Variants in CA5A observed in about 807,000 individuals in gnomAD.
The protein encoded by CA5A is carbonic anhydrase 5A, mitochondrial.
In CA5A, 28 loss-of-function variants were observed where a neutral mutation model predicts 37.1. The ratio of observed to expected loss-of-function variants is 0.75; its 90% CI spans 0.56 to 1.03. The LOEUF is 1.03. Ranked by LOEUF, CA5A falls within the 50% of genes least tolerant of loss-of-function variation. CA5A has a pLI of 0.00. For missense variants in CA5A, 444 were observed against 399.9 expected, an observed-to-expected ratio of 1.11 and a Z score of -0.94; for synonymous variants, 171 against 158.4, an observed-to-expected ratio of 1.08 and a Z score of -0.60.
intron 2 of CA5A, among the ~76,000 whole-genome samples, chr16:87,917,613 G>A (rs2056166544): frequency 6.7e-6 from 1 of 150,202 alleles, no homozygotes; most frequent in Admixed American, 6.6e-5. Flanking sequence ...CACCACACAT[G>A]TGCACACACA....
intron 6 of CA5A, among the ~76,000 whole-genome samples, chr16:87,889,992 C>G (rs1008741107): frequency 6.6e-6 from 1 of 152,150 alleles, no homozygotes; most frequent in African/African-American, 2.4e-5. Context: ...CCTCCTGGGC[C>G]GTGACCACGG....
At chr16:87,913,966 G>A (rs541100378) in intron 2 of CA5A, among the ~76,000 whole-genome samples, 8 of 152,344 alleles carry the variant, frequency 5.3e-5, no homozygotes, top group Non-Finnish European at 4.4e-5. Context: ...CGTGGGGAGC[G>A]GCGGCAGCGC....
intron 5 of CA5A, among the ~76,000 whole-genome samples, chr16:87,897,903 G>T (rs561296968): frequency 6.6e-6 from 1 of 152,340 alleles, no homozygotes; most frequent in South Asian, 2.1e-4. Flanking sequence ...TTCCGCCGAG[G>T]TGTAGGGTGA....
chr16:87,914,752 G>T (rs554098138), intron 2 of CA5A, among the ~76,000 whole-genome samples: 1 of 152,198 alleles, frequency 6.6e-6, no homozygotes, highest in African/African-American at 2.4e-5. Context: ...AGGTGGTCAG[G>T]ACCTCAGCTG....
At position 87,891,510 on chromosome 16, in the gene CA5A, AC is replaced by A. The variant is rs201510505; in HGVS notation, c.774+288del. On this transcript the variant is annotated intron_variant, in intron 6 of 6. Transcript: ENST00000649794. ...GAAAAGAAAAAGGAAGAAAACAAAA[AC>A]CATGCAGACCCATGACCCTGGGACA... is the stretch of plus-strand genomic sequence containing the variant. 8.4e-3 allele frequency among the ~76,000 whole-genome samples: 1,278 copies of A among 151,936 alleles called. 9 individuals are homozygous for A. The highest frequency in any genetic ancestry group is 0.016 in the East Asian group (85 of 5,174).
intron 2 of CA5A, among the ~76,000 whole-genome samples, chr16:87,921,972 A>G (rs1222160956): frequency 6.6e-6 from 1 of 152,132 alleles, no homozygotes; most frequent in African/African-American, 2.4e-5. Context: ...GGCTTAAGCA[A>G]GCCTCCTGCC....
chr16:87,925,357 C>T (rs750505019), intron 2 of CA5A, among the ~76,000 whole-genome samples: 1 of 152,206 alleles, frequency 6.6e-6, no homozygotes, highest in Non-Finnish European at 1.5e-5. Context: ...CTGGAGTCCT[C>T]ACCAGGGAAG....
chr16:87,896,971 C>A (rs945320696), intron 5 of CA5A, among the ~76,000 whole-genome samples: 1 of 152,222 alleles, frequency 6.6e-6, no homozygotes, highest in Non-Finnish European at 1.5e-5. Context: ...AACAGGACCC[C>A]ACATTTTATG....
chr16:87,919,101 A>G (rs566174693), intron 2 of CA5A, among the ~76,000 whole-genome samples: 12 of 152,282 alleles, frequency 7.9e-5, no homozygotes, highest in African/African-American at 2.6e-4. Flanking sequence ...TAGATCCTTT[A>G]AGCAGATGTG....
intron 2 of CA5A, among the ~76,000 whole-genome samples, chr16:87,910,002 C>T (rs1441676393): frequency 6.6e-6 from 1 of 152,164 alleles, no homozygotes; most frequent in Non-Finnish European, 1.5e-5. Context: ...CTTGAACCCC[C>T]ACCATAGGAC....
chr16:87,932,534 C>T (rs1438565112), intron 1 of CA5A, among the ~76,000 whole-genome samples: 2 of 152,220 alleles, frequency 1.3e-5, no homozygotes, highest in African/African-American at 4.8e-5. Flanking sequence ...ACACAGCCGA[C>T]CCTGGTGCCC....
chr16:87,926,691 C>A, intron 2 of CA5A, 57 bp downstream of exon 2: 2 of 1,403,626 alleles, frequency 1.4e-6, no homozygotes, highest in Non-Finnish European at 2.0e-6. Flanking sequence ...AAGCTCTTGA[C>A]CCTGCTGCCA....
chr16:87,883,214 AG>A (rs1042461774), downstream of CA5A: 169 of 152,176 alleles, frequency 1.1e-3, no homozygotes, highest in African/African-American at 3.9e-3. Context: ...TAGAAGAGAC[AG>A]GGTTTCACAA....
At chr16:87,897,861 T>C (rs1476537711) in intron 5 of CA5A, among the ~76,000 whole-genome samples, 1 of 152,040 alleles carries the variant, frequency 6.6e-6, no homozygotes, top group Non-Finnish European at 1.5e-5. Flanking sequence ...GTGTGATAAT[T>C]TATGTGGAGG....
At chr16:87,917,672 T>C (rs560623311) in intron 2 of CA5A, among the ~76,000 whole-genome samples, 63 of 88,190 alleles carry the variant, frequency 7.1e-4, no homozygotes, top group Non-Finnish European at 1.0e-3. Context: ...TAGAGACACA[T>C]GCACACAGTG....
intron 5 of CA5A, among the ~76,000 whole-genome samples, chr16:87,897,010 G>A (rs529375759): frequency 1.2e-4 from 19 of 152,302 alleles, no homozygotes; most frequent in African/African-American, 3.8e-4. Flanking sequence ...GCCTAACTCC[G>A]CCCTTGCTTT....
At chr16:87,925,147 G>A (rs913010082) in intron 2 of CA5A, among the ~76,000 whole-genome samples, 2 of 152,220 alleles carry the variant, frequency 1.3e-5, no homozygotes, top group African/African-American at 4.8e-5. Context: ...GGAGGCAGAT[G>A]GGATGCCTGC....
At chr16:87,892,920 T>C (rs1196289341) in intron 5 of CA5A, 1 of 631,910 alleles carries the variant, frequency 1.6e-6, no homozygotes, top group Non-Finnish European at 2.7e-6. Flanking sequence ...CCTCCCAAAG[T>C]GCTGGGGTGA....
At chr16:87,897,532 G>A (rs1344815584) in intron 5 of CA5A, among the ~76,000 whole-genome samples, 3 of 152,098 alleles carry the variant, frequency 2.0e-5, no homozygotes, top group Non-Finnish European at 4.4e-5. Context: ...GGGGGTGGGG[G>A]TCCAGGCTTC....
Sources: gnomAD v4.1 joint callset for allele counts (sites outside exome capture counted in the v4.1 genomes callset) on GRCh38, gnomAD v4.1.1 for gene constraint, MANE v1.5 for transcripts, NCBI Gene and HGNC (gene_info 2026-07-23, HGNC 2026-07-21) for gene names.